The following EBF1 variants were observed in gnomAD, a reference collection of about 807,000 sequenced individuals.
EBF1 encodes the protein EBF transcription factor 1.
In EBF1, 10 loss-of-function variants were observed where a neutral mutation model predicts 68.4. The observed-to-expected ratio is 0.15, with a 90% confidence interval of 0.09 to 0.25. The LOEUF (loss-of-function observed/expected upper bound fraction) is 0.25, where lower values mean the gene tolerates loss of function less well. Among genes scored for constraint, EBF1 ranks in the 10% least tolerant of loss-of-function variants. The probability of loss-of-function intolerance (pLI) is 1.00; values close to 1 mark genes in which losing one functional copy is unlikely to be tolerated. For missense variants in EBF1, 509 were observed against 794.4 expected (o/e 0.64, Z 4.32); for synonymous variants, 298 against 299.8 (o/e 0.99, Z 0.06).
At chr5:158,904,831 T>C (rs1583042044) in intron 6 of EBF1, among the ~76,000 whole-genome samples, 2 of 152,272 alleles carry the variant, frequency 1.3e-5, no homozygotes, top group African/African-American at 4.8e-5. Flanking sequence ...AATACATTTC[T>C]CAAATCTCAC....
intron 6 of EBF1, among the ~76,000 whole-genome samples, chr5:158,958,963 A>G (rs1817658347): frequency 6.6e-6 from 1 of 152,322 alleles, no homozygotes; most frequent in South Asian, 2.1e-4. Flanking sequence ...ACATTACTCA[A>G]GTTGTCCCCA....
chr5:159,091,881 T>C (rs1390225813), intron 4 of EBF1, among the ~76,000 whole-genome samples: 1 of 152,226 alleles, frequency 6.6e-6, no homozygotes, highest in Non-Finnish European at 1.5e-5. Flanking sequence ...AAGGATTATG[T>C]GACTACGATT....
chr5:159,035,903 T>A (rs1375911654), intron 6 of EBF1, among the ~76,000 whole-genome samples: 2 of 152,186 alleles, frequency 1.3e-5, no homozygotes, highest in African/African-American at 4.8e-5. Context: ...CCTTGAACTT[T>A]ACCATTAAAA....
At chr5:159,017,546 T>C (rs1313620846) in intron 6 of EBF1, among the ~76,000 whole-genome samples, 1 of 152,200 alleles carries the variant, frequency 6.6e-6, no homozygotes, top group East Asian at 1.9e-4. Context: ...GTAGGTCTAA[T>C]AAATAGCAAG....
At chr5:158,887,715 T>G (rs1800327702) in intron 6 of EBF1, among the ~76,000 whole-genome samples, 1 of 152,254 alleles carries the variant, frequency 6.6e-6, no homozygotes, top group Non-Finnish European at 1.5e-5. Context: ...TCTTTTATAC[T>G]CCTCTATTTA....
intron 6 of EBF1, among the ~76,000 whole-genome samples, chr5:158,924,263 T>G (rs769247517): frequency 3.3e-5 from 5 of 152,218 alleles, no homozygotes; most frequent in Non-Finnish European, 7.3e-5. Context: ...GAAAGCTCAC[T>G]ACCTTCCTCA....
intron 5 of EBF1, chr5:159,073,715 C>T: frequency 2.0e-6 from 1 of 507,418 alleles, no homozygotes; most frequent in Admixed American, 3.3e-5. Context: ...ACTCAGAACC[C>T]CAAGATGGGG....
intron 8 of EBF1, among the ~76,000 whole-genome samples, chr5:158,815,002 C>T (rs1001835367): frequency 4.6e-5 from 7 of 152,028 alleles, no homozygotes; most frequent in Non-Finnish European, 7.4e-5. Flanking sequence ...GTTGAAGATA[C>T]CAGCACAATT....
intron 8 of EBF1, among the ~76,000 whole-genome samples, chr5:158,796,692 CAT>C (rs1254845158): frequency 6.6e-6 from 1 of 152,298 alleles, no homozygotes; most frequent in African/African-American, 2.4e-5. Context: ...TATTAAGATA[CAT>C]ATATTTTACC....
At chr5:158,879,077 C>G (rs371637323) in intron 6 of EBF1, among the ~76,000 whole-genome samples, 2 of 152,142 alleles carry the variant, frequency 1.3e-5, no homozygotes, top group African/African-American at 2.4e-5. Context: ...GTCTACATCC[C>G]TATTATTCAC....
intron 6 of EBF1, among the ~76,000 whole-genome samples, chr5:159,029,588 G>C (rs75700553): frequency 6.6e-6 from 1 of 152,216 alleles, no homozygotes; most frequent in Non-Finnish European, 1.5e-5. Context: ...TCTGTTTCAA[G>C]TTTACTTGAA....
intron 6 of EBF1, among the ~76,000 whole-genome samples, chr5:159,041,543 G>A (rs1430902225): frequency 6.6e-6 from 1 of 152,118 alleles, no homozygotes; most frequent in Non-Finnish European, 1.5e-5. Context: ...CTTCTAGAAA[G>A]GGATCCCAGG....
chr5:158,814,099 A>G (rs1159117579), intron 8 of EBF1, among the ~76,000 whole-genome samples: 1 of 152,240 alleles, frequency 6.6e-6, no homozygotes, highest in African/African-American at 2.4e-5. Flanking sequence ...TAATGCCAGC[A>G]CTTTGGGAGA....
chr5:158,926,711 CAG>C (rs1438752229), intron 6 of EBF1, among the ~76,000 whole-genome samples: 2 of 126,404 alleles, frequency 1.6e-5, no homozygotes, highest in South Asian at 2.5e-4. Flanking sequence ...GTGACAAAGA[CAG>C]AGAGACTACA....
In EBF1 at chr5:158,823,315, G is replaced by A. The variant is rs540009004; in HGVS notation, c.639C>T (p.Val213=). Residue 213 remains valine, a splice_region_variant and synonymous_variant, in exon 8 of 16, where the codon GTC becomes GTT. Coordinates refer to ENST00000313708, the MANE Select transcript of EBF1 (RefSeq NM_024007.5). The part of the protein sequence containing the change: ...GNPRDMRRFQ[V]VVSTTVNVDG... Reference sequence around the variant, plus strand: ...CCACATTGACTGTCGTAGACACCACGACCTGGAGACATAAGAAAGAAATGA... The same window carrying A: ...CCACATTGACTGTCGTAGACACCACAACCTGGAGACATAAGAAAGAAATGA... The A allele has an allele frequency of 1.6e-5, 26 of 1,603,990 alleles. No homozygotes were observed. The highest frequency in any genetic ancestry group is 1.2e-4 in the Admixed American group (7 of 58,216).
chr5:158,727,166 T>C (rs1201480061), intron 11 of EBF1, among the ~76,000 whole-genome samples: 3 of 152,194 alleles, frequency 2.0e-5, no homozygotes, highest in Non-Finnish European at 2.9e-5. Context: ...TTCGAAAACC[T>C]TAATAATGCA....
chr5:158,744,271 G>A (rs1019455456), intron 10 of EBF1, among the ~76,000 whole-genome samples: 6 of 151,908 alleles, frequency 3.9e-5, no homozygotes, highest in African/African-American at 9.7e-5. Context: ...CAGACACTAC[G>A]GGGAACACAA....
intron 7 of EBF1, among the ~76,000 whole-genome samples, chr5:158,831,402 C>A (rs1787535969): frequency 6.6e-6 from 1 of 152,100 alleles, no homozygotes; most frequent in Non-Finnish European, 1.5e-5. Flanking sequence ...TATGTGCCTA[C>A]CATGTGCCAA....
rs116368965 is a variant in EBF1, at chr5:158,754,728, G to A, written c.1036+22685C>T. Among the ~76,000 whole-genome samples, 1,238 of 152,034 alleles carry A rather than the reference G, an allele frequency of 8.1e-3. 8 individuals carry two copies. The highest frequency in any genetic ancestry group is 0.031 in the Middle Eastern group (9 of 294). On this transcript the variant is annotated intron_variant, in intron 10 of 15. Transcript: ENST00000313708. ...ATTAGCAAATACTACATTTTGACCA[G>A]ATCAAAAACACCATCCTGACCTGAC...
Sources: gnomAD v4.1 joint callset for allele counts (sites outside exome capture counted in the v4.1 genomes callset) on GRCh38, gnomAD v4.1.1 for gene constraint, MANE v1.5 for transcripts, NCBI Gene and HGNC (gene_info 2026-07-23, HGNC 2026-07-21) for gene names.